Variants in TBC1D19 observed in about 807,000 individuals in gnomAD.
TBC1D19 encodes the protein TBC1 domain family member 19, also known as TBC1 domain family, member 19.
Under a neutral mutation model 89.0 loss-of-function variants are expected in TBC1D19, and 60 were observed. The ratio of observed to expected loss-of-function variants is 0.67; its 90% CI spans 0.55 to 0.84. TBC1D19 has a LOEUF of 0.84. TBC1D19 is among the 40% of genes least tolerant of loss of function. The pLI is 0.00. For missense variants in TBC1D19, 500 were observed against 610.8 expected (o/e 0.82, Z 1.91); for synonymous variants, 189 against 199.7 (o/e 0.95, Z 0.45).
chr4:26,756,227 A>T (rs1449817752), downstream of TBC1D19, among the ~76,000 whole-genome samples: 1 of 152,222 alleles, frequency 6.6e-6, no homozygotes, highest in Non-Finnish European at 1.5e-5. Context: ...AAGGTGATGC[A>T]GTTATAATCC....
the TBC1D19 span, among the ~76,000 whole-genome samples, chr4:26,783,847 G>A: frequency 1.1e-3 from 170 of 151,738 alleles, no homozygotes; most frequent in Non-Finnish European, 2.2e-3. Context: ...ATGCATCTTA[G>A]GCCACCATGC....
chr4:26,780,873 T>C, the TBC1D19 span, among the ~76,000 whole-genome samples: 1 of 152,190 alleles, frequency 6.6e-6, no homozygotes, highest in Admixed American at 6.5e-5. Context: ...CTGGCACCTC[T>C]GGAGGGAAGT....
chr4:26,819,253 T>G, the TBC1D19 span, among the ~76,000 whole-genome samples: 7 of 152,310 alleles, frequency 4.6e-5, no homozygotes, highest in East Asian at 1.2e-3. Context: ...CCCTGAAGTT[T>G]GGGCACCAGT....
intron 13 of TBC1D19, among the ~76,000 whole-genome samples, chr4:26,708,414 T>C (rs115446161): frequency 1.3e-3 from 192 of 152,234 alleles, no homozygotes; most frequent in African/African-American, 4.2e-3. Context: ...CCTTTGACCT[T>C]CAACAGTTTG....
intron 9 of TBC1D19, among the ~76,000 whole-genome samples, chr4:26,670,644 T>A (rs575796414): frequency 6.6e-6 from 1 of 151,730 alleles, no homozygotes; most frequent in African/African-American, 2.4e-5. Flanking sequence ...TTTTACAAAG[T>A]GAACACACTT....
the TBC1D19 span, among the ~76,000 whole-genome samples, chr4:26,781,299 A>G: frequency 6.6e-6 from 1 of 152,168 alleles, no homozygotes; most frequent in South Asian, 2.1e-4. Flanking sequence ...CTCTAGAGGT[A>G]AGGGGGGCTG....
At chr4:26,784,939 A>G in the TBC1D19 span, among the ~76,000 whole-genome samples, 1 of 152,238 alleles carries the variant, frequency 6.6e-6, no homozygotes, top group African/African-American at 2.4e-5. Flanking sequence ...AATGGTAACA[A>G]TAACCACAAT....
intron 1 of TBC1D19, among the ~76,000 whole-genome samples, chr4:26,593,841 C>T (rs989975877): frequency 2.0e-5 from 3 of 152,200 alleles, no homozygotes; most frequent in Non-Finnish European, 4.4e-5. Context: ...CAGGAAACAA[C>T]AGGTGCTGGA....
chr4:26,579,555 C>G (rs551284081), upstream of TBC1D19, among the ~76,000 whole-genome samples: 54 of 151,070 alleles, frequency 3.6e-4, no homozygotes, highest in African/African-American at 1.3e-3. Context: ...AGGTTTGTTG[C>G]ATAGGTATAC....
intron 18 of TBC1D19, among the ~76,000 whole-genome samples, chr4:26,745,183 T>G (rs1312724225): frequency 6.6e-6 from 1 of 152,088 alleles, no homozygotes; most frequent in Non-Finnish European, 1.5e-5. Flanking sequence ...TTTCTATTCT[T>G]TTACTTAACA....
intron 15 of TBC1D19, among the ~76,000 whole-genome samples, 159 bp downstream of exon 15, chr4:26,720,284 G>A (rs1716892958): frequency 6.6e-6 from 1 of 152,078 alleles, no homozygotes; most frequent in Admixed American, 6.6e-5. Context: ...CCACATTTGT[G>A]GTAGGTTTGT....
chr4:26,674,004 T>C lies in TBC1D19; in HGVS notation c.816+116T>C, dbSNP rs1211771539. On this transcript the variant is annotated intron_variant, in intron 11 of 20. Coordinates refer to ENST00000264866, the MANE Select transcript of TBC1D19 (RefSeq NM_018317.4). ...CTTAATCTATTATTAACCCCCTTTTTAAATTTTCAAAATCACTATAGTTTT... is the reference window on the plus strand; with the variant it reads ...CTTAATCTATTATTAACCCCCTTTTCAAATTTTCAAAATCACTATAGTTTT... 4 of 547,638 alleles carry C rather than the reference T, an allele frequency of 7.3e-6. No homozygotes were observed. In the Admixed American group the frequency reaches 1.4e-4, roughly 19 times the overall value. The allele number at this position is 547,638 out of a possible 1,614,324, so 33.9% of individuals were successfully genotyped here. A position where few individuals can be genotyped will look rare whatever the true frequency, so the allele number is the denominator to read the frequency against.
chr4:26,626,820 T>C (rs895615972), intron 4 of TBC1D19, among the ~76,000 whole-genome samples: 3 of 149,698 alleles, frequency 2.0e-5, no homozygotes, highest in Non-Finnish European at 3.0e-5. Context: ...CTCAAATTCT[T>C]TTTTTTATTT....
chr4:26,593,258 A>C (rs542664127), intron 1 of TBC1D19, among the ~76,000 whole-genome samples: 258 of 152,338 alleles, frequency 1.7e-3, no homozygotes, highest in African/African-American at 6.0e-3. Flanking sequence ...CTATTTAATA[A>C]ATGGTGCTGG....
chr4:26,682,414 A>C (rs1393969631), intron 11 of TBC1D19, among the ~76,000 whole-genome samples: 3 of 152,234 alleles, frequency 2.0e-5, no homozygotes. Flanking sequence ...CTCAAGCCAA[A>C]GAACTATGTA....
chr4:26,719,911 A>G (rs1716867237), intron 14 of TBC1D19, among the ~76,000 whole-genome samples, 170 bp from the exon 15 acceptor site: 1 of 152,132 alleles, frequency 6.6e-6, no homozygotes, highest in Admixed American at 6.6e-5. Context: ...GGGTTTGCTA[A>G]TACCAAAAGA....
In TBC1D19 at chr4:26,635,832, A is replaced by C. The variant is rs1283047236; in HGVS notation, c.295-1379A>C. Among the ~76,000 whole-genome samples, 3 of 152,202 alleles carry C rather than the reference A, an allele frequency of 2.0e-5. No homozygotes were observed. The East Asian group carries it at 5.8e-4, about 29-fold the overall frequency. Reference sequence around the variant, plus strand: ...AGTTTTAATGGAGGAAGGGATATTTAAGCTGATACCTAAAAGGTGAATAAG... The same window carrying C: ...AGTTTTAATGGAGGAAGGGATATTTCAGCTGATACCTAAAAGGTGAATAAG... On this transcript the variant is annotated intron_variant, in intron 4 of 20. Transcript: ENST00000264866.
chr4:26,773,808 C>G, the TBC1D19 span, among the ~76,000 whole-genome samples: 1 of 152,166 alleles, frequency 6.6e-6, no homozygotes, highest in African/African-American at 2.4e-5. Context: ...GTTCTCTGTT[C>G]TGTTCCATTG....
chr4:26,847,874 A>G, the TBC1D19 span, among the ~76,000 whole-genome samples: 2 of 152,222 alleles, frequency 1.3e-5, no homozygotes. Flanking sequence ...GTGAAGAAGG[A>G]CAGAGCAGTC....
Sources: allele counts gnomAD v4.1 joint callset (sites outside exome capture counted in the v4.1 genomes callset), GRCh38; gene constraint gnomAD v4.1.1; transcripts MANE v1.5; gene names NCBI Gene and HGNC (gene_info 2026-07-23, HGNC 2026-07-21).